ERBB4: variants seen among roughly 807,000 people sequenced by gnomAD.
The protein encoded by ERBB4 is erb-b2 receptor tyrosine kinase 4, also known as receptor tyrosine-protein kinase erbB-4.
A neutral mutation model predicts 158.0 loss-of-function variants in ERBB4; 42 were observed. That is an observed-to-expected ratio of 0.27 (90% CI 0.21 to 0.34). ERBB4 has a LOEUF of 0.34. Among genes scored for constraint, ERBB4 ranks in the 10% least tolerant of loss-of-function variants. The pLI is 1.00. For synonymous variants in ERBB4, 583 were observed against 558.7 expected (o/e 1.04, Z -0.61); for missense variants, 1,333 against 1,624.1 (o/e 0.82, Z 3.08).
intron 2 of ERBB4, among the ~76,000 whole-genome samples, chr2:212,087,273 C>T (rs2078644621): frequency 9.3e-6 from 1 of 107,934 alleles, no homozygotes; most frequent in African/African-American, 2.9e-5. Flanking sequence ...TGCTTAGAGA[C>T]TTAGGAACAC....
intron 20 of ERBB4, among the ~76,000 whole-genome samples, chr2:211,450,122 C>T (rs1418661969): frequency 6.6e-6 from 1 of 152,146 alleles, no homozygotes; most frequent in Non-Finnish European, 1.5e-5. Flanking sequence ...AGCCTGGTTT[C>T]AGGTCTAAGG....
chr2:212,113,298 G>A (rs1377485091), intron 2 of ERBB4, among the ~76,000 whole-genome samples: 9 of 152,044 alleles, frequency 5.9e-5, no homozygotes, highest in Non-Finnish European at 1.3e-4. Context: ...GGGTATGGCC[G>A]GGTGCGGTGG....
chr2:212,140,066 G>A (rs1053110732), intron 1 of ERBB4, among the ~76,000 whole-genome samples: 2 of 151,606 alleles, frequency 1.3e-5, no homozygotes, highest in Middle Eastern at 3.2e-3. Context: ...TTGTAAAGAA[G>A]ACTTAATGCA....
intron 16 of ERBB4, among the ~76,000 whole-genome samples, chr2:211,644,366 C>A (rs185053312): frequency 1.8e-4 from 28 of 151,944 alleles, no homozygotes; most frequent in African/African-American, 6.5e-4. Context: ...ATGGGGAAAC[C>A]CATTTTTTTC....
At chr2:211,612,994 G>A (rs2069257345) in intron 19 of ERBB4, among the ~76,000 whole-genome samples, 1 of 151,954 alleles carries the variant, frequency 6.6e-6, no homozygotes, top group Admixed American at 6.6e-5. Flanking sequence ...GAAATCGAAG[G>A]CAGAAGAGAT....
intron 1 of ERBB4, among the ~76,000 whole-genome samples, chr2:212,352,911 T>C (rs1307931012): frequency 6.6e-6 from 1 of 152,024 alleles, no homozygotes; most frequent in Admixed American, 6.6e-5. Context: ...AATTGAATTA[T>C]AATTTACTTT....
At chr2:212,369,575 A>G (rs1404079845) in intron 1 of ERBB4, among the ~76,000 whole-genome samples, 1 of 151,798 alleles carries the variant, frequency 6.6e-6, no homozygotes, top group African/African-American at 2.4e-5. Flanking sequence ...GAATCTTACC[A>G]TTGCTTGTTT....
At chr2:212,484,126 GA>G (rs1033012298) in intron 1 of ERBB4, among the ~76,000 whole-genome samples, 4 of 151,662 alleles carry the variant, frequency 2.6e-5, no homozygotes, top group Non-Finnish European at 4.4e-5. Flanking sequence ...GTATTTCAAT[GA>G]AAAAAAAGCT....
intron 2 of ERBB4, among the ~76,000 whole-genome samples, chr2:212,063,052 A>C (rs544274634): frequency 6.6e-6 from 1 of 152,346 alleles, no homozygotes; most frequent in East Asian, 1.9e-4. Flanking sequence ...ACATGCATAC[A>C]CAGGAGACTT....
chr2:212,276,065 A>G (rs978329559), intron 1 of ERBB4, among the ~76,000 whole-genome samples: 3 of 151,804 alleles, frequency 2.0e-5, no homozygotes, highest in African/African-American at 7.2e-5. Flanking sequence ...TTCAAGGGTC[A>G]GCTCTAATGT....
chr2:211,844,423 G>A (rs2077545557), intron 3 of ERBB4, among the ~76,000 whole-genome samples: 1 of 152,118 alleles, frequency 6.6e-6, no homozygotes, highest in African/African-American at 2.4e-5. Flanking sequence ...TTTTCAGAAT[G>A]ATAAAGCAAT....
At chr2:211,578,450 C>T (rs1165573043) in intron 19 of ERBB4, among the ~76,000 whole-genome samples, 1 of 152,128 alleles carries the variant, frequency 6.6e-6, no homozygotes, top group African/African-American at 2.4e-5. Context: ...TTAGAAGAAA[C>T]TATTTTTTAA....
intron 1 of ERBB4, among the ~76,000 whole-genome samples, chr2:212,422,186 T>C (rs913747132): frequency 1.3e-5 from 2 of 152,130 alleles, no homozygotes; most frequent in East Asian, 3.9e-4. Flanking sequence ...GCTGGTGAAT[T>C]GTCACAAAAG....
chr2:212,449,189 A>T (rs913715864), intron 1 of ERBB4, among the ~76,000 whole-genome samples: 1 of 152,132 alleles, frequency 6.6e-6, no homozygotes, highest in African/African-American at 2.4e-5. Flanking sequence ...ACTATGTATT[A>T]CTTTGAAATG....
At chr2:211,524,253 T>C (rs148245110) in intron 20 of ERBB4, among the ~76,000 whole-genome samples, 18,315 of 152,068 alleles carry the variant, frequency 0.12, 1,874 homozygotes, top group African/African-American at 0.28. Flanking sequence ...TGTTTACAAT[T>C]CCTGAGCTAG....
At chr2:211,489,334 C>T (rs1412005024) in intron 20 of ERBB4, among the ~76,000 whole-genome samples, 1 of 151,996 alleles carries the variant, frequency 6.6e-6, no homozygotes, top group African/African-American at 2.4e-5. Flanking sequence ...GCCAGAATGT[C>T]TGGGTTTGAA....
At chr2:211,537,841 A>C (rs1205453510) in intron 20 of ERBB4, among the ~76,000 whole-genome samples, 1 of 152,006 alleles carries the variant, frequency 6.6e-6, no homozygotes, top group African/African-American at 2.4e-5. Flanking sequence ...TAGTTGTAAT[A>C]CAAAAGAAAC....
At chr2:212,090,233 CA>C (rs5838298) in intron 2 of ERBB4, among the ~76,000 whole-genome samples, 127,374 of 152,134 alleles carry the variant, frequency 0.84, 54,654 homozygotes, top group East Asian at 1. Flanking sequence ...GGAACTTAAA[CA>C]AAAATACAAT....
At chr2:211,637,636 A>G (rs2070410314) in intron 16 of ERBB4, among the ~76,000 whole-genome samples, 1 of 152,012 alleles carries the variant, frequency 6.6e-6, no homozygotes, top group African/African-American at 2.4e-5. Flanking sequence ...TGAACTTTCC[A>G]TTCTAATAAT....
Sources: gnomAD v4.1 joint callset for allele counts (sites outside exome capture counted in the v4.1 genomes callset) on GRCh38, gnomAD v4.1.1 for gene constraint, MANE v1.5 for transcripts, NCBI Gene and HGNC (gene_info 2026-07-23, HGNC 2026-07-21) for gene names.